Variants in MAP2K6 observed in about 807,000 individuals in gnomAD.
MAP2K6 encodes the protein mitogen-activated protein kinase kinase 6, also known as dual specificity mitogen-activated protein kinase kinase 6.
Under a neutral mutation model 53.7 loss-of-function variants are expected in MAP2K6, and 16 were observed. The observed-to-expected ratio is 0.30, with a 90% confidence interval of 0.20 to 0.45. The LOEUF is 0.45. Among genes scored for constraint, MAP2K6 ranks in the 20% least tolerant of loss-of-function variants. The probability of loss-of-function intolerance (pLI) is 1.00; values close to 1 mark genes in which losing one functional copy is unlikely to be tolerated. For missense variants in MAP2K6, 204 were observed against 411.9 expected (o/e 0.50, Z 4.37); for synonymous variants, 132 against 143.1 (o/e 0.92, Z 0.55).
chr17:69,449,545 CTTTCTTTCTTTCTTTA>C (rs1463252157), intron 1 of MAP2K6, among the ~76,000 whole-genome samples: 152 of 105,640 alleles, frequency 1.4e-3, no homozygotes, highest in African/African-American at 3.8e-3. Flanking sequence ...TTCTTTCTTT[CTTTCTTTCTTTCTTTA>C]TTTCTTTCTT....
chr17:69,505,940 T>A, intron 2 of MAP2K6, 94 bp downstream of exon 2: 1 of 1,037,988 alleles, frequency 9.6e-7, no homozygotes, highest in Non-Finnish European at 1.5e-6. Context: ...ATGCCTTGAC[T>A]TTAGAAGAGC....
chr17:69,523,245 T>TA (rs1910577727), intron 7 of MAP2K6, among the ~76,000 whole-genome samples: 2 of 152,224 alleles, frequency 1.3e-5, no homozygotes, highest in Non-Finnish European at 2.9e-5. Flanking sequence ...ATGAGGGTAA[T>TA]GAAGATCATA....
chr17:69,466,482 A>G (rs1400874065), intron 1 of MAP2K6, among the ~76,000 whole-genome samples: 1 of 151,768 alleles, frequency 6.6e-6, no homozygotes, highest in Non-Finnish European at 1.5e-5. Flanking sequence ...AAGTGTGTAG[A>G]CCCTCCTTAT....
chr17:69,521,859 A>G (rs1205515029), intron 7 of MAP2K6: 1 of 150,962 alleles, frequency 6.6e-6, no homozygotes, highest in Non-Finnish European at 1.5e-5. Context: ...GAAAGTACCA[A>G]GCTGGGTGCC....
intron 2 of MAP2K6, among the ~76,000 whole-genome samples, chr17:69,508,055 T>TG (rs1211420068): frequency 1.3e-5 from 1 of 75,368 alleles, no homozygotes; most frequent in Non-Finnish European, 2.7e-5. Context: ...TTTTTTTTTT[T>TG]TTTTTTTTTT....
chr17:69,521,305 C>T lies in MAP2K6; in HGVS notation c.535+205C>T, dbSNP rs1910454581. The T allele has an allele frequency of 9.3e-6, 4 of 432,414 alleles. No homozygotes were observed. In the South Asian group the frequency reaches 2.6e-4, roughly 29 times the overall value. The allele number at this position is 432,414 out of a possible 1,614,324, so 26.8% of individuals were successfully genotyped here. Reference sequence around the variant, plus strand: ...TGAGGACATAAGAAGAAGACGTGATCTTTGTCTTACATCCAAATTGAATAT... The same window carrying T: ...TGAGGACATAAGAAGAAGACGTGATTTTTGTCTTACATCCAAATTGAATAT... On this transcript the variant is annotated intron_variant, in intron 7 of 11. Transcript: ENST00000590474.
chr17:69,517,487 TTC>T lies in MAP2K6; in HGVS notation c.133-7_133-6del, dbSNP rs774452714. 1.3e-6 allele frequency: 2 copies of T among 1,512,652 alleles called. No individual in the cohort carries two copies. The highest frequency in any genetic ancestry group is 4.7e-5 in the East Asian group (2 of 42,728). The allele number at this position is 1,512,652 out of a possible 1,614,324, so 93.7% of individuals were successfully genotyped here. ...TCTCTTTCCCATTGCATTATTCCTT[TTC>T]TCTCTTGCAGAACTTTGAGGTGAAG... On this transcript the variant is annotated splice_polypyrimidine_tract_variant and intron_variant, in intron 3 of 11. Transcript: ENST00000590474.
chr17:69,513,426 G>T (rs981753416), intron 2 of MAP2K6, among the ~76,000 whole-genome samples: 1 of 152,072 alleles, frequency 6.6e-6, no homozygotes, highest in Non-Finnish European at 1.5e-5. Context: ...TTTCAGCTCC[G>T]TTGATGACCG....
chr17:69,475,811 G>C (rs966424916), intron 1 of MAP2K6, among the ~76,000 whole-genome samples: 1 of 152,152 alleles, frequency 6.6e-6, no homozygotes, highest in African/African-American at 2.4e-5. Flanking sequence ...GAGAATGATT[G>C]GTCTAAACCA....
chr17:69,449,404 A>C (rs898937785), intron 1 of MAP2K6, among the ~76,000 whole-genome samples: 3 of 151,708 alleles, frequency 2.0e-5, no homozygotes, highest in Admixed American at 6.6e-5. Flanking sequence ...TTTGTTTTGC[A>C]GAAGTTTTTT....
At chr17:69,486,645 A>G (rs1908547609) in intron 1 of MAP2K6, among the ~76,000 whole-genome samples, 1 of 152,220 alleles carries the variant, frequency 6.6e-6, no homozygotes, top group Non-Finnish European at 1.5e-5. Context: ...GATCTTGCTC[A>G]GCATCTGCAA....
chr17:69,531,141 A>G (rs901080242), intron 10 of MAP2K6, among the ~76,000 whole-genome samples: 6 of 151,570 alleles, frequency 4.0e-5, no homozygotes, highest in African/African-American at 1.5e-4. Context: ...AGGCCGCTCT[A>G]TGTGCTAAGT....
chr17:69,463,249 TG>T (rs1275476820), intron 1 of MAP2K6, among the ~76,000 whole-genome samples: 1 of 151,388 alleles, frequency 6.6e-6, no homozygotes, highest in African/African-American at 2.4e-5. Context: ...TTTTACATTT[TG>T]CTTTCACGTA....
At chr17:69,534,949 T>G (rs1462644814) in intron 10 of MAP2K6, among the ~76,000 whole-genome samples, 5 of 152,022 alleles carry the variant, frequency 3.3e-5, no homozygotes, top group Admixed American at 3.3e-4. Flanking sequence ...CCAAGTAAAT[T>G]GTTTCTTTTC....
At chr17:69,448,556 C>T (rs896709549) in intron 1 of MAP2K6, among the ~76,000 whole-genome samples, 5 of 151,860 alleles carry the variant, frequency 3.3e-5, no homozygotes, top group South Asian at 4.1e-4. Context: ...CAGTTGCAGC[C>T]GGCCCTGGCC....
chr17:69,525,135 G>C (rs534568828), intron 9 of MAP2K6, among the ~76,000 whole-genome samples, 157 bp downstream of exon 9: 1 of 152,108 alleles, frequency 6.6e-6, no homozygotes, highest in Admixed American at 6.6e-5. Flanking sequence ...TGTTTGTATT[G>C]TGGTACAATA....
intron 1 of MAP2K6, among the ~76,000 whole-genome samples, chr17:69,437,043 T>C (rs1450181183): frequency 6.6e-6 from 1 of 152,084 alleles, no homozygotes; most frequent in Non-Finnish European, 1.5e-5. Context: ...GCCAGGCTGG[T>C]CTCAAACTTC....
rs71144698 is a variant in MAP2K6, at chr17:69,508,041, GTTTTTTTTTTTT to G, written c.83+2211_83+2222del. Among the ~76,000 whole-genome samples the G allele has an allele frequency of 6.7e-5, 3 of 44,900 alleles. No homozygotes were observed. In the South Asian group the frequency reaches 4.8e-3, roughly 72 times the overall value. 29.5% of individuals were successfully genotyped at this position (44,900 alleles called of 152,430 possible). On this transcript the variant is annotated intron_variant, in intron 2 of 11. Coordinates refer to ENST00000590474, the MANE Select transcript of MAP2K6 (RefSeq NM_002758.4). ...TCTGATGTGTAGTGATATATATGTA[GTTTTTTTTTTTT>G]TTTTTTTTTTTTTTTGAGACGGAGT...
chr17:69,473,638 C>G (rs1000373024), intron 1 of MAP2K6, among the ~76,000 whole-genome samples: 1 of 152,002 alleles, frequency 6.6e-6, no homozygotes, highest in African/African-American at 2.4e-5. Context: ...CTTTTGTCCC[C>G]CTCCAGTGTT....
Sources: gnomAD v4.1 joint callset for allele counts (sites outside exome capture counted in the v4.1 genomes callset) on GRCh38, gnomAD v4.1.1 for gene constraint, MANE v1.5 for transcripts, NCBI Gene and HGNC (gene_info 2026-07-23, HGNC 2026-07-21) for gene names.